The following FRMD3 variants were observed in gnomAD, a reference collection of about 807,000 sequenced individuals.
The protein encoded by FRMD3 is FERM domain-containing protein 3.
In FRMD3, 33 loss-of-function variants were observed where a neutral mutation model predicts 70.2. That is an observed-to-expected ratio of 0.47 (90% CI 0.36 to 0.63). The LOEUF (loss-of-function observed/expected upper bound fraction) is 0.63. Ranked by LOEUF, FRMD3 falls within the 20% of genes least tolerant of loss-of-function variation. The pLI is 0.00. For missense variants in FRMD3, 632 were observed against 711.4 expected (o/e 0.89, Z 1.27); for synonymous variants, 279 against 255.9 (o/e 1.09, Z -0.86).
At chr9:83,253,789 C>A (rs1455267302) in intron 13 of FRMD3, among the ~76,000 whole-genome samples, 1 of 152,188 alleles carries the variant, frequency 6.6e-6, no homozygotes, top group African/African-American at 2.4e-5. Flanking sequence ...GATTATAAAT[C>A]ATGCTGCTAT....
rs892534825 is a variant in FRMD3 at position 83,537,194 on chromosome 9, C to A, written c.147+891G>T. Among the ~76,000 whole-genome samples, 2 of 152,082 alleles carry A rather than the reference C, an allele frequency of 1.3e-5. No individual in the cohort carries two copies. Among genetic ancestry groups the A allele is most frequent in the South Asian group, 4.1e-4 (2 of 4,824 alleles). ...CGCGCAACCACATGCACACACACAC[C>A]TTTGCACCTCACACTAGCTCTCCTG... On this transcript the variant is annotated intron_variant, in intron 1 of 13. Transcript: ENST00000304195. This position sits in a 1 kb window ranked among gnomAD's most constrained non-coding sequence, Gnocchi z 4.1.
intron 7 of FRMD3, among the ~76,000 whole-genome samples, chr9:83,312,267 T>C (rs1835389214): frequency 1.3e-5 from 2 of 152,210 alleles, no homozygotes; most frequent in Non-Finnish European, 2.9e-5. Context: ...CTTCCCAGTG[T>C]CTTCCGGGGC....
rs1587605541 is a variant in FRMD3 at position 83,246,345 on chromosome 9, T to C, written c.*1573A>G. 1.0e-6 allele frequency: 1 copy of C among 984,038 alleles called. No homozygotes were observed. Among genetic ancestry groups the C allele is most frequent in the South Asian group, 4.7e-5 (1 of 21,240 alleles). The allele number at this position is 984,038 out of a possible 1,614,324, so 61.0% of individuals were successfully genotyped here. ...AGCAGGTAGTCTGCATGGGAAGGCA[T>C]CAGTACGTTGCTGATGGTACAATGC... is the stretch of plus-strand genomic sequence containing the variant. On this transcript the variant is annotated 3_prime_UTR_variant, in exon 14 of 14. Transcript: ENST00000304195.
intron 13 of FRMD3, among the ~76,000 whole-genome samples, chr9:83,283,436 C>A (rs1225793127): frequency 6.6e-6 from 1 of 151,374 alleles, no homozygotes; most frequent in Non-Finnish European, 1.5e-5. Context: ...GAGGCTGAGG[C>A]AGGAGAATGG....
At chr9:83,328,810 T>C (rs910154038) in intron 6 of FRMD3, among the ~76,000 whole-genome samples, 1 of 152,168 alleles carries the variant, frequency 6.6e-6, no homozygotes, top group Non-Finnish European at 1.5e-5. Flanking sequence ...CATGGATGGA[T>C]GGATGAAATA....
At chr9:83,428,203 C>A (rs573326945) in intron 1 of FRMD3, among the ~76,000 whole-genome samples, 1 of 152,064 alleles carries the variant, frequency 6.6e-6, no homozygotes, top group South Asian at 2.1e-4. Context: ...ATAGTGAAAC[C>A]CCATCTGTAC....
At chr9:83,276,701 A>T (rs1833804357) in intron 13 of FRMD3, 1 of 152,244 alleles carries the variant, frequency 6.6e-6, no homozygotes, top group Non-Finnish European at 1.5e-5. Context: ...TTGTCTTTCA[A>T]ATTATCAAAT....
At chr9:83,291,682 C>G (rs1049087960) in intron 12 of FRMD3, among the ~76,000 whole-genome samples, 1 of 151,988 alleles carries the variant, frequency 6.6e-6, no homozygotes, top group Non-Finnish European at 1.5e-5. Flanking sequence ...ACTGATCATC[C>G]CCACCTAGAT....
chr9:83,506,415 G>A (rs2131521660), intron 1 of FRMD3, among the ~76,000 whole-genome samples: 1 of 152,330 alleles, frequency 6.6e-6, no homozygotes, highest in South Asian at 2.1e-4. Context: ...GTGCTATGTG[G>A]TAGAGCCTAT....
Position 83,382,460 on chromosome 9 carries a change from T to C in FRMD3, c.252+7144A>G, listed in dbSNP as rs1825386820. On this transcript the variant is annotated intron_variant, in intron 2 of 13. Coordinates refer to ENST00000304195, the MANE Select transcript of FRMD3 (RefSeq NM_174938.6). The stretch of plus-strand genomic sequence containing the variant: ...TTATATTGCATAAGTAGTATTAGTA[T>C]CCTTATTTAATAGATGAAGAAATTG... 2.0e-5 allele frequency among the ~76,000 whole-genome samples: 3 copies of C among 152,194 alleles called. 1 individual carries two copies. Among genetic ancestry groups the C allele is most frequent in the South Asian group, 4.1e-4 (2 of 4,830 alleles).
At chr9:83,334,766 C>T (rs970952907) in intron 6 of FRMD3, among the ~76,000 whole-genome samples, 1 of 152,154 alleles carries the variant, frequency 6.6e-6, no homozygotes, top group African/African-American at 2.4e-5. Flanking sequence ...AACCATCACA[C>T]AGGGCATAAA....
chr9:83,281,496 G>A (rs1171475845), intron 13 of FRMD3: 1 of 152,074 alleles, frequency 6.6e-6, no homozygotes, highest in Non-Finnish European at 1.5e-5. Flanking sequence ...TTTCACCCTA[G>A]CCAAGTCCTT....
intron 12 of FRMD3, among the ~76,000 whole-genome samples, chr9:83,294,958 T>C (rs893919997): frequency 2.0e-5 from 3 of 152,190 alleles, no homozygotes; most frequent in Non-Finnish European, 4.4e-5. Flanking sequence ...TGTTTATGCC[T>C]GAGGTCCCTC....
intron 1 of FRMD3, among the ~76,000 whole-genome samples, chr9:83,520,863 G>A (rs757895409): frequency 1.3e-5 from 2 of 150,910 alleles, no homozygotes; most frequent in African/African-American, 2.4e-5. Context: ...AGTGGCTCAC[G>A]CCTGTAATCC....
chr9:83,569,866 T>C, the FRMD3 span, among the ~76,000 whole-genome samples: 1 of 152,238 alleles, frequency 6.6e-6, no homozygotes, highest in Non-Finnish European at 1.5e-5. Context: ...TTCAATTGTA[T>C]TTCCCAGAAT....
chr9:83,582,469 TAA>T, the FRMD3 span, among the ~76,000 whole-genome samples: 1 of 152,242 alleles, frequency 6.6e-6, no homozygotes, highest in Admixed American at 6.5e-5. Flanking sequence ...GATAATTTAA[TAA>T]AGAGTGGTCT....
At chr9:83,270,719 A>G (rs1833512374) in intron 13 of FRMD3, among the ~76,000 whole-genome samples, 1 of 152,248 alleles carries the variant, frequency 6.6e-6, no homozygotes, top group South Asian at 2.1e-4. Flanking sequence ...ATGTAAAAGC[A>G]GTGTGTACCT....
the FRMD3 span, among the ~76,000 whole-genome samples, chr9:83,569,555 G>A: frequency 6.6e-6 from 1 of 152,186 alleles, no homozygotes; most frequent in Non-Finnish European, 1.5e-5. Context: ...TCAAATTGAG[G>A]AAGGAAAGTA....
intron 1 of FRMD3, among the ~76,000 whole-genome samples, chr9:83,495,331 C>G (rs1828920292): frequency 6.6e-6 from 1 of 152,172 alleles, no homozygotes; most frequent in Non-Finnish European, 1.5e-5. Flanking sequence ...GATCCAAGAA[C>G]TGACCACCGC....
Sources: allele counts gnomAD v4.1 joint callset (sites outside exome capture counted in the v4.1 genomes callset), GRCh38; gene constraint gnomAD v4.1.1; non-coding constraint Gnocchi (gnomAD v3.1); transcripts MANE v1.5; gene names NCBI Gene and HGNC (gene_info 2026-07-23, HGNC 2026-07-21).